MAD2L1BP: variants seen among roughly 807,000 people sequenced by gnomAD.
The protein encoded by MAD2L1BP is MAD2L1 binding protein.
In MAD2L1BP, 22 loss-of-function variants were observed where a neutral mutation model predicts 28.4. That is an observed-to-expected ratio of 0.77 (90% CI 0.55 to 1.10). MAD2L1BP has a LOEUF of 1.10. Among genes scored for constraint, MAD2L1BP ranks in the 50% least tolerant of loss-of-function variants. MAD2L1BP has a pLI of 0.00. For missense variants in MAD2L1BP, 325 were observed against 350.5 expected, an observed-to-expected ratio of 0.93 and a Z score of 0.58; for synonymous variants, 146 against 133.7, an observed-to-expected ratio of 1.09 and a Z score of -0.63.
intron 1 of MAD2L1BP, among the ~76,000 whole-genome samples, chr6:43,630,342 G>A (rs1478458823): frequency 6.6e-6 from 1 of 152,190 alleles, no homozygotes; most frequent in Non-Finnish European, 1.5e-5. Context: ...AGGACGCTAG[G>A]GCTCAATTCA....
intron 1 of MAD2L1BP, among the ~76,000 whole-genome samples, chr6:43,630,534 G>A (rs528085961): frequency 6.6e-6 from 1 of 152,084 alleles, no homozygotes; most frequent in Non-Finnish European, 1.5e-5. Context: ...CCTGAAGTCA[G>A]GTGTTCGAGA....
intron 1 of MAD2L1BP, chr6:43,629,910 TAAC>T (rs1769790680): frequency 7.2e-6 from 8 of 1,109,522 alleles, no homozygotes; most frequent in Non-Finnish European, 9.9e-6. Context: ...CTGGTTTTAA[TAAC>T]CGGAGGCACC....
upstream of MAD2L1BP, chr6:43,633,142 C>T (rs1770021260): frequency 1.4e-5 from 6 of 418,716 alleles, no homozygotes; most frequent in Admixed American, 8.2e-5. Context: ...GCTGCCATGC[C>T]CAGTCAGACC....
chr6:43,636,590 C>G lies in MAD2L1BP; in HGVS notation c.256C>G (p.Gln86Glu). 6.2e-7 allele frequency: 1 copy of G among 1,614,210 alleles called. No individual in the cohort carries two copies. The highest frequency in any genetic ancestry group is 8.5e-7 in the Non-Finnish European group (1 of 1,180,030). ...LLKHIMYQRQ[Q>E]LPLPYEQLKH... is the part of the protein sequence containing the mutation. ...AAAGCATATCATGTATCAACGCCAGCAGCTCCCTCTGCCCTATGAACAGCT... is the reference window on the plus strand; with the variant it reads ...AAAGCATATCATGTATCAACGCCAGGAGCTCCCTCTGCCCTATGAACAGCT... The change falls in exon 2 of 3, where the codon CAG (glutamine) becomes GAG (glutamate). Residue 86 changes from glutamine (Q) to glutamate (E), a missense_variant. Physicochemically the swap from Gln to Glu is conservative, Grantham distance 29 (BLOSUM62 2). Coordinates refer to ENST00000372171, the MANE Select transcript of MAD2L1BP (RefSeq NM_014628.3).
In MAD2L1BP at chr6:43,640,140, G is replaced by A. The variant is rs1770483866; in HGVS notation, c.432G>A (p.Arg144=). The change falls in exon 3 of 3, where the codon CGG becomes CGA. Residue 144 remains arginine (R), a synonymous_variant. Transcript: ENST00000372171. ...VLSHLEDFFA[R]TLVPRVLILL... ...GCCACCTGGAGGACTTCTTTGCACG[G>A]ACACTAGTACCGCGAGTGCTGATTC... is the stretch of plus-strand genomic sequence containing the variant. 10 of 1,611,658 alleles carry A rather than the reference G, an allele frequency of 6.2e-6. No homozygotes were observed. Among genetic ancestry groups the A allele is most frequent in the Non-Finnish European group, 8.5e-6 (10 of 1,178,360 alleles).
At chr6:43,636,864 T>A in intron 2 of MAD2L1BP, 1 of 585,184 alleles carries the variant, frequency 1.7e-6, no homozygotes, top group South Asian at 2.1e-5. Context: ...CATTTGGACT[T>A]AATGAACTGG....
chr6:43,629,651 G>A (rs1769770575), exon 1 of MAD2L1BP: 3 of 1,312,250 alleles, frequency 2.3e-6, no homozygotes, highest in Non-Finnish European at 2.1e-6. Context: ...CCTTTAGCGC[G>A]GATCCTAGAC....
In MAD2L1BP at chr6:43,640,730, G is replaced by C. The variant is rs1770514824; in HGVS notation, c.*197G>C. Reference sequence around the variant, plus strand: ...TGTGACTGTGACTGTAATCATTGCTGAACAACATCTCTTTGAATCAAAGGT... The same window carrying C: ...TGTGACTGTGACTGTAATCATTGCTCAACAACATCTCTTTGAATCAAAGGT... On this transcript the variant is annotated 3_prime_UTR_variant, in exon 3 of 3. Coordinates refer to ENST00000372171, the MANE Select transcript of MAD2L1BP (RefSeq NM_014628.3). 8 of 560,626 alleles carry C rather than the reference G, an allele frequency of 1.4e-5. No homozygotes were observed. The highest frequency in any genetic ancestry group is 3.6e-5 in the Admixed American group (1 of 27,654). 34.7% of individuals were successfully genotyped at this position (560,626 alleles called of 1,614,324 possible). A position where few individuals can be genotyped will look rare whatever the true frequency, so the allele number is the denominator to read the frequency against.
At chr6:43,633,028 A>AACCAGCCTGGGC (rs1203863929), upstream of MAD2L1BP, among the ~76,000 whole-genome samples, 1 of 151,722 alleles carries the variant, frequency 6.6e-6, no homozygotes, top group African/African-American at 2.4e-5. Context: ...ATCTAAAAAC[A>AACCAGCCTGGGC]AACAAACAAA....
chr6:43,640,595 A>T lies in MAD2L1BP; in HGVS notation c.*62A>T. 1 of 1,498,808 alleles carries T rather than the reference A, an allele frequency of 6.7e-7. No homozygotes were observed. Among genetic ancestry groups the T allele is most frequent in the South Asian group, 1.3e-5 (1 of 74,860 alleles). The allele number at this position is 1,498,808 out of a possible 1,614,324, so 92.8% of individuals were successfully genotyped here. On this transcript the variant is annotated 3_prime_UTR_variant, in exon 3 of 3. Coordinates refer to ENST00000372171, the MANE Select transcript of MAD2L1BP (RefSeq NM_014628.3). ...ATTATCTTTCTCCATGTGGCGCTGAATCACCCATCTGGTTTGGAGCTAGAG... is the reference window on the plus strand; with the variant it reads ...ATTATCTTTCTCCATGTGGCGCTGATTCACCCATCTGGTTTGGAGCTAGAG...
At position 43,635,862 on chromosome 6, in the gene MAD2L1BP, G is replaced by A. The variant is rs1770179769; in HGVS notation, c.-14G>A. ...TTTATTCTAACCGCAAGGAGTAGCG[G>A]AGGGGAGGTCGTGATGGCGGCGCCG... On this transcript the variant is annotated 5_prime_UTR_variant, in exon 1 of 3. Coordinates refer to ENST00000372171, the MANE Select transcript of MAD2L1BP (RefSeq NM_014628.3). The A allele has an allele frequency of 6.8e-7, 1 of 1,477,318 alleles. No individual in the cohort carries two copies. Among genetic ancestry groups the A allele is most frequent in the East Asian group, 2.8e-5 (1 of 35,502 alleles). 91.5% of individuals were successfully genotyped at this position (1,477,318 alleles called of 1,614,324 possible).
In MAD2L1BP at chr6:43,636,538, C is replaced by G; in HGVS notation, c.204C>G (p.Gly68=). ...TTCCTGGGCCTGTGAGCCAGGAAGG[C>G]TGCTGTCAGTTTACTTGTGAACTTC... ...VVFPGPVSQE[G]CCQFTCELLK... is the part of the protein sequence containing the mutation. Residue 68 remains glycine (G), a synonymous_variant, in exon 2 of 3, where the codon GGC becomes GGG. Coordinates refer to ENST00000372171, the MANE Select transcript of MAD2L1BP (RefSeq NM_014628.3). 6.2e-7 allele frequency: 1 copy of G among 1,614,186 alleles called. No individual in the cohort carries two copies. Among genetic ancestry groups the G allele is most frequent in the Non-Finnish European group, 8.5e-7 (1 of 1,180,042 alleles).
At chr6:43,634,224 T>C (rs1278526128), upstream of MAD2L1BP, among the ~76,000 whole-genome samples, 4 of 139,026 alleles carry the variant, frequency 2.9e-5, no homozygotes, top group South Asian at 7.2e-4. Flanking sequence ...TTTTTTCTTT[T>C]TTTTTTTTTT....
upstream of MAD2L1BP, among the ~76,000 whole-genome samples, chr6:43,634,220 CTTT>C (rs751773637): frequency 9.6e-6 from 1 of 103,680 alleles, no homozygotes; most frequent in African/African-American, 4.1e-5. Context: ...TTCTTTTTTT[CTTT>C]TTTTTTTTTT....
At chr6:43,639,269 A>T (rs1487013451) in intron 2 of MAD2L1BP, among the ~76,000 whole-genome samples, 1 of 151,894 alleles carries the variant, frequency 6.6e-6, no homozygotes, top group Non-Finnish European at 1.5e-5. Flanking sequence ...CCTCCCTAGT[A>T]GCTGGGACTA....
At chr6:43,635,585 A>G (rs932274717), upstream of MAD2L1BP, among the ~76,000 whole-genome samples, 10 of 152,358 alleles carry the variant, frequency 6.6e-5, no homozygotes, top group Admixed American at 5.9e-4. Context: ...CACAGTGAGT[A>G]GTGAATGCTG....
rs1770476457 is a variant in MAD2L1BP, at chr6:43,640,003, C to T, written c.313-18C>T. ...CCCCTGCCTTGTTCTTCTCTCCCACCATTCTTTGTCCTCACAGGCAGAGGA... is the reference window on the plus strand; with the variant it reads ...CCCCTGCCTTGTTCTTCTCTCCCACTATTCTTTGTCCTCACAGGCAGAGGA... On this transcript the variant is annotated intron_variant, in intron 2 of 2. Transcript: ENST00000372171. 3 of 1,511,326 alleles carry T rather than the reference C, an allele frequency of 2.0e-6. No individual in the cohort carries two copies. Among genetic ancestry groups the T allele is most frequent in the Non-Finnish European group, 1.8e-6 (2 of 1,128,160 alleles). 93.6% of individuals were successfully genotyped at this position (1,511,326 alleles called of 1,614,324 possible). A position where few individuals can be genotyped will look rare whatever the true frequency, so the allele number is the denominator to read the frequency against.
chr6:43,638,616 G>A (rs1770387815), intron 2 of MAD2L1BP, among the ~76,000 whole-genome samples: 1 of 151,628 alleles, frequency 6.6e-6, no homozygotes, highest in African/African-American at 2.4e-5. Context: ...CTAACATGGT[G>A]AAACCCTGTC....
At chr6:43,633,872 G>A (rs1362673459), upstream of MAD2L1BP, among the ~76,000 whole-genome samples, 1 of 152,110 alleles carries the variant, frequency 6.6e-6, no homozygotes, top group Non-Finnish European at 1.5e-5. Context: ...ACCTTGCCCG[G>A]CCATTTGTCT....
Sources: gnomAD v4.1 joint callset for allele counts (sites outside exome capture counted in the v4.1 genomes callset) on GRCh38, gnomAD v4.1.1 for gene constraint, MANE v1.5 for transcripts, NCBI Gene and HGNC (gene_info 2026-07-23, HGNC 2026-07-21) for gene names.